Variants in PPP3CB observed in about 807,000 individuals in gnomAD.
PPP3CB encodes protein phosphatase 3 catalytic subunit beta.
In PPP3CB, 8 loss-of-function variants were observed where a neutral mutation model predicts 66.4. The observed-to-expected ratio is 0.12, with a 90% CI of 0.07 to 0.22. PPP3CB has a LOEUF of 0.22. Among genes scored for constraint, PPP3CB ranks in the 10% least tolerant of loss-of-function variants. The pLI is 1.00. For synonymous variants in PPP3CB, 208 were observed against 221.2 expected, an observed-to-expected ratio of 0.94 and a Z score of 0.53; for missense variants, 319 against 642.5, an observed-to-expected ratio of 0.50 and a Z score of 5.44.
intron 1 of PPP3CB, among the ~76,000 whole-genome samples, chr10:73,483,717 C>G (rs543776971): frequency 9.9e-5 from 15 of 151,942 alleles, no homozygotes; most frequent in African/African-American, 3.6e-4. Flanking sequence ...AAAAAAGGCA[C>G]GTATAGTGTT....
intron 13 of PPP3CB, among the ~76,000 whole-genome samples, chr10:73,439,073 T>C (rs1317980963): frequency 6.6e-6 from 1 of 152,202 alleles, no homozygotes; most frequent in Non-Finnish European, 1.5e-5. Flanking sequence ...TCATTGGCCA[T>C]ACTGCACAGT....
intron 10 of PPP3CB, among the ~76,000 whole-genome samples, chr10:73,453,764 T>C (rs567010576): frequency 1.3e-5 from 2 of 152,374 alleles, no homozygotes; most frequent in East Asian, 3.9e-4. Flanking sequence ...CAGGTTTTAA[T>C]TAAACATTTA....
intron 9 of PPP3CB, among the ~76,000 whole-genome samples, chr10:73,454,846 T>C (rs1390024203): frequency 6.6e-6 from 1 of 151,970 alleles, no homozygotes; most frequent in Non-Finnish European, 1.5e-5. Context: ...GGCAGAGTTT[T>C]AGTGGTTCCA....
intron 3 of PPP3CB, among the ~76,000 whole-genome samples, chr10:73,475,238 A>G (rs1165751055): frequency 1.3e-5 from 2 of 152,220 alleles, no homozygotes; most frequent in African/African-American, 4.8e-5. Flanking sequence ...AGCAAATAGG[A>G]GAAGAGCAAT....
At chr10:73,468,731 T>C (rs2056658540) in intron 8 of PPP3CB, among the ~76,000 whole-genome samples, 1 of 152,238 alleles carries the variant, frequency 6.6e-6, no homozygotes, top group Admixed American at 6.5e-5. Flanking sequence ...TGTTACTGTT[T>C]ACTAACTTAA....
At chr10:73,458,642 T>C (rs1213987167) in intron 9 of PPP3CB, among the ~76,000 whole-genome samples, 3 of 151,064 alleles carry the variant, frequency 2.0e-5, no homozygotes, top group African/African-American at 4.8e-5. Flanking sequence ...TATATTAAAA[T>C]ATACATGTAT....
At chr10:73,493,984 T>C (rs1412525262) in intron 1 of PPP3CB, among the ~76,000 whole-genome samples, 2 of 152,202 alleles carry the variant, frequency 1.3e-5, no homozygotes, top group Non-Finnish European at 2.9e-5. Context: ...AAGGATAGCA[T>C]AAACTCATTG....
intron 12 of PPP3CB, among the ~76,000 whole-genome samples, chr10:73,442,885 A>AC (rs1554821525): frequency 6.6e-6 from 1 of 151,780 alleles, no homozygotes; most frequent in Non-Finnish European, 1.5e-5. Flanking sequence ...CAGGAAAAAA[A>AC]TTTTTTTTAT....
intron 13 of PPP3CB, 134 bp downstream of exon 13, chr10:73,439,738 C>T: frequency 1.0e-6 from 1 of 989,532 alleles, no homozygotes; most frequent in Non-Finnish European, 1.5e-6. Context: ...TGCAAGGCTT[C>T]TAAACTTGAT....
intron 4 of PPP3CB, among the ~76,000 whole-genome samples, chr10:73,471,972 T>C (rs2056708714): frequency 6.6e-6 from 1 of 152,136 alleles, no homozygotes; most frequent in East Asian, 1.9e-4. Context: ...CAGAAGTAAA[T>C]ACCACAGAGA....
chr10:73,443,621 GA>G (rs2056199147), intron 12 of PPP3CB, among the ~76,000 whole-genome samples: 1 of 152,026 alleles, frequency 6.6e-6, no homozygotes, highest in South Asian at 2.1e-4. Flanking sequence ...CCAACCACAG[GA>G]AAAGAAATCT....
At chr10:73,466,362 T>C (rs184562008) in intron 9 of PPP3CB, among the ~76,000 whole-genome samples, 28 of 152,342 alleles carry the variant, frequency 1.8e-4, no homozygotes, top group African/African-American at 6.5e-4. Context: ...ATGTCCATTT[T>C]CCTCCTACCT....
rs2056258696 is a variant in PPP3CB, at chr10:73,446,557, C to T, written c.1203G>A (p.Arg401=). The change falls in exon 11 of 14, where the codon CGG becomes CGA. Residue 401 remains arginine (R), a synonymous_variant. Transcript: ENST00000360663. The stretch of plus-strand genomic sequence containing the variant: ...GAATTTTGTTTCTTATGATTTCTTT[C>T]CGGGCTGCAGCTGAACCTACTTTCA... ...EDQFDGSAAA[R]KEIIRNKIRA... The T allele has an allele frequency of 5.6e-6, 9 of 1,613,874 alleles. No individual in the cohort carries two copies. In the East Asian group the frequency reaches 2.0e-4, roughly 36 times the overall value.
intron 4 of PPP3CB, 126 bp downstream of exon 4, chr10:73,474,793 A>G: frequency 2.9e-6 from 4 of 1,367,880 alleles, no homozygotes; most frequent in Non-Finnish European, 2.9e-6. Flanking sequence ...CTTTCCTCAA[A>G]GCTTTATGTG....
At chr10:73,446,382 G>A in intron 11 of PPP3CB, 110 bp downstream of exon 11, 2 of 997,098 alleles carry the variant, frequency 2.0e-6, no homozygotes, top group Non-Finnish European at 3.1e-6. Context: ...TTACAGGAGT[G>A]TGCCACCATA....
In PPP3CB at chr10:73,482,744, A is replaced by G. The variant is rs532592635; in HGVS notation, c.86-3227T>C. On this transcript the variant is annotated intron_variant, in intron 1 of 13. Coordinates refer to ENST00000360663, the MANE Select transcript of PPP3CB (RefSeq NM_021132.4). Reference sequence around the variant, plus strand: ...GCGATCCTCCTGCCTCAGCCTCCCAAGTAGCTCGGATTACAGGCACCCGCC... The same window carrying G: ...GCGATCCTCCTGCCTCAGCCTCCCAGGTAGCTCGGATTACAGGCACCCGCC... Among the ~76,000 whole-genome samples, 7 of 151,704 alleles carry G rather than the reference A, an allele frequency of 4.6e-5. No homozygotes were observed. In the East Asian group the frequency reaches 1.2e-3, roughly 26 times the overall value.
At position 73,491,022 on chromosome 10, in the gene PPP3CB, GTTTTTTTTT is replaced by G. The variant is rs528238766; in HGVS notation, c.85+4774_85+4782del. ...TAATTTTTGTTTGTTTGTTTTTATTGTTTTTTTTTTTTTTTTTTTTTTTTTTTTTTGACA... is the reference window on the plus strand; with the variant it reads ...TAATTTTTGTTTGTTTGTTTTTATTGTTTTTTTTTTTTTTTTTTTTTGACA... On this transcript the variant is annotated intron_variant, in intron 1 of 13. Transcript: ENST00000360663. Among the ~76,000 whole-genome samples, 24 of 40,908 alleles carry G rather than the reference GTTTTTTTTT, an allele frequency of 5.9e-4. No individual in the cohort carries two copies. The South Asian group carries it at 0.02, about 34-fold the overall frequency. 26.8% of individuals were successfully genotyped at this position (40,908 alleles called of 152,430 possible).
At chr10:73,443,019 A>AAAAAAAT (rs2056174097) in intron 12 of PPP3CB, among the ~76,000 whole-genome samples, 1 of 151,354 alleles carries the variant, frequency 6.6e-6, no homozygotes, top group South Asian at 2.1e-4. Context: ...ACAAAAATAT[A>AAAAAAAT]AAAAAATAAA....
chr10:73,480,691 C>T (rs1270670458), intron 1 of PPP3CB, among the ~76,000 whole-genome samples: 3 of 152,210 alleles, frequency 2.0e-5, no homozygotes, highest in Middle Eastern at 3.4e-3. Flanking sequence ...GTGATCTGCC[C>T]GCCTTGGCTT....
Sources: gnomAD v4.1 joint callset for allele counts (sites outside exome capture counted in the v4.1 genomes callset) on GRCh38, gnomAD v4.1.1 for gene constraint, MANE v1.5 for transcripts, NCBI Gene and HGNC (gene_info 2026-07-23, HGNC 2026-07-21) for gene names.